C3AR1: variants seen among roughly 807,000 people sequenced by gnomAD.
C3AR1 encodes the protein C3a anaphylatoxin chemotactic receptor.
For missense variants in C3AR1, 579 were observed against 583.5 expected, an observed-to-expected ratio of 0.99 and a Z score of 0.08; for synonymous variants, 208 against 225.3, an observed-to-expected ratio of 0.92 and a Z score of 0.69.
At chr12:8,061,926 C>A (rs1947278380) in intron 1 of C3AR1, among the ~76,000 whole-genome samples, 1 of 152,138 alleles carries the variant, frequency 6.6e-6, no homozygotes, top group African/African-American at 2.4e-5. Flanking sequence ...AAGAATTCCC[C>A]ATTTTCTCCT....
In C3AR1 at chr12:8,059,162, C is replaced by A. The variant is rs761985790; in HGVS notation, c.1024G>T (p.Val342Leu). Residue 342 changes from valine to leucine, a missense_variant, in exon 2 of 2, where the codon GTG becomes TTG. Coordinates refer to ENST00000307637, the MANE Select transcript of C3AR1 (RefSeq NM_004054.4). Reference protein sequence around the residue: ...PLVAITITRLVVGFLLPSVIM... With the variant: ...PLVAITITRLLVGFLLPSVIM... Reference sequence around the variant, plus strand: ...ACAGAGGGCAGCAGGAAACCCACCACTAGCCTAGTGATCGTTATTGCCACG... The same window carrying A: ...ACAGAGGGCAGCAGGAAACCCACCAATAGCCTAGTGATCGTTATTGCCACG... 3.7e-6 allele frequency: 6 copies of A among 1,614,222 alleles called. No individual in the cohort carries two copies. Among genetic ancestry groups the A allele is most frequent in the Non-Finnish European group, 4.2e-6 (5 of 1,180,044 alleles).
At chr12:8,064,349 GC>G (rs1436941229) in intron 1 of C3AR1, among the ~76,000 whole-genome samples, 1 of 152,072 alleles carries the variant, frequency 6.6e-6, no homozygotes, top group African/African-American at 2.4e-5. Context: ...TTGCCATAGG[GC>G]CTCATATGAT....
At position 8,057,309 on chromosome 12, in the gene C3AR1, G is replaced by A. The variant is rs750703359; in HGVS notation, c.*1428C>T. 2.4e-4 allele frequency among the ~76,000 whole-genome samples: 36 copies of A among 152,318 alleles called. 1 individual carries two copies. Among genetic ancestry groups the A allele is most frequent in the African/African-American group, 8.7e-4 (36 of 41,572 alleles). ...TATAGACAAAGTAGAAGAAAAATATGTGGTCATGAATGAATTAAAATATGG... is the reference window on the plus strand; with the variant it reads ...TATAGACAAAGTAGAAGAAAAATATATGGTCATGAATGAATTAAAATATGG... On this transcript the variant is annotated 3_prime_UTR_variant, in exon 2 of 2. Transcript: ENST00000307637.
At chr12:8,060,958 T>C (rs1947267984) in intron 1 of C3AR1, among the ~76,000 whole-genome samples, 1 of 152,230 alleles carries the variant, frequency 6.6e-6, no homozygotes, top group African/African-American at 2.4e-5. Context: ...CCTAAAATGA[T>C]ATGCAAAACT....
chr12:8,064,185 C>T (rs755800540), intron 1 of C3AR1, among the ~76,000 whole-genome samples: 1 of 152,118 alleles, frequency 6.6e-6, no homozygotes, highest in South Asian at 2.1e-4. Flanking sequence ...CCATGTAATC[C>T]TTACCCAGGC....
In C3AR1 at chr12:8,057,314, CATGA is replaced by C. The variant is rs1947200715; in HGVS notation, c.*1419_*1422del. 6.6e-6 allele frequency among the ~76,000 whole-genome samples: 1 copy of C among 152,084 alleles called. No individual in the cohort carries two copies. The highest frequency in any genetic ancestry group is 2.4e-5 in the African/African-American group (1 of 41,414). The stretch of plus-strand genomic sequence containing the variant: ...ACAAAGTAGAAGAAAAATATGTGGT[CATGA>C]ATGAATTAAAATATGGTTATTAATG... On this transcript the variant is annotated 3_prime_UTR_variant, in exon 2 of 2. Coordinates refer to ENST00000307637, the MANE Select transcript of C3AR1 (RefSeq NM_004054.4).
chr12:8,057,421 C>T lies in C3AR1; in HGVS notation c.*1316G>A, dbSNP rs765666827. On this transcript the variant is annotated 3_prime_UTR_variant, in exon 2 of 2. Transcript: ENST00000307637. ...ATCTTCATCTTTCAAAACAAGAAGT[C>T]GTTTTATCATGCCTCCAGAAAAGAG... Among the ~76,000 whole-genome samples the T allele has an allele frequency of 1.1e-4, 17 of 152,112 alleles. No homozygotes were observed. Among genetic ancestry groups the T allele is most frequent in the African/African-American group, 4.1e-4 (17 of 41,496 alleles).
chr12:8,059,226 T>C lies in C3AR1; in HGVS notation c.960A>G (p.Leu320=). The C allele has an allele frequency of 2.5e-6, 4 of 1,614,230 alleles. No individual in the cohort carries two copies. Among genetic ancestry groups the C allele is most frequent in the Non-Finnish European group, 3.4e-6 (4 of 1,180,042 alleles). Residue 320 remains leucine, a synonymous_variant, in exon 2 of 2, where the codon TTA becomes TTG. Coordinates refer to ENST00000307637, the MANE Select transcript of C3AR1 (RefSeq NM_004054.4). Reference sequence around the variant, plus strand: ...CTTGATCGTCATCTGTGAATTGGCCTAAATTGTAATAATCCTGGAAACCTT... The same window carrying C: ...CTTGATCGTCATCTGTGAATTGGCCCAAATTGTAATAATCCTGGAAACCTT... ...LPQGFQDYYN[L]GQFTDDDQVP...
rs1479040699 is a variant in C3AR1 at position 8,059,822 on chromosome 12, G to A, written c.364C>T (p.Leu122Phe). 9.3e-6 allele frequency: 15 copies of A among 1,614,152 alleles called. No homozygotes were observed. The highest frequency in any genetic ancestry group is 1.6e-4 in the Middle Eastern group (1 of 6,062). ...LLTAISLDRC[L>F]VVFKPIWCQN... Reference sequence around the variant, plus strand: ...CACCAGATTGGCTTGAATACCACAAGACAGCGATCCAGGCTAATGGCAGTA... The same window carrying A: ...CACCAGATTGGCTTGAATACCACAAAACAGCGATCCAGGCTAATGGCAGTA... The change falls in exon 2 of 2, where the codon CTT becomes TTT. Residue 122 changes from leucine to phenylalanine, a missense_variant. Physicochemically the swap from Leu to Phe is conservative, Grantham distance 22. Transcript: ENST00000307637.
intron 1 of C3AR1, among the ~76,000 whole-genome samples, chr12:8,062,630 A>G (rs1246988510): frequency 6.6e-6 from 1 of 151,974 alleles, no homozygotes; most frequent in Non-Finnish European, 1.5e-5. Context: ...TACTGTTCTG[A>G]ACACTAACTT....
rs1410112183 is a variant in C3AR1, at chr12:8,059,207, C to T, written c.979G>A (p.Asp327Asn). The change falls in exon 2 of 2, where the codon GAT becomes AAT. Residue 327 changes from aspartate to asparagine, a missense_variant. Coordinates refer to ENST00000307637, the MANE Select transcript of C3AR1 (RefSeq NM_004054.4). ...YYNLGQFTDD[D>N]QVPTPLVAIT... ...GCCACGAGGGGTGTTGGCACTTGAT[C>T]GTCATCTGTGAATTGGCCTAAATTG... 1.2e-6 allele frequency: 2 copies of T among 1,614,172 alleles called. No individual in the cohort carries two copies. Among genetic ancestry groups the T allele is most frequent in the East Asian group, 2.2e-5 (1 of 44,888 alleles).
rs776176515 is a variant in C3AR1 at position 8,059,907 on chromosome 12, G to C, written c.279C>G (p.Phe93Leu). 6.2e-7 allele frequency: 1 copy of C among 1,614,184 alleles called. No individual in the cohort carries two copies. Among genetic ancestry groups the C allele is most frequent in the South Asian group, 1.1e-5 (1 of 91,074 alleles). Residue 93 changes from phenylalanine to leucine, a missense_variant, in exon 2 of 2, where the codon TTC (phenylalanine) becomes TTG (leucine). By Grantham distance (22) the Phe-to-Leu change is conservative. Transcript: ENST00000307637. ...TGATGGAGGGGATGAGCTTGCATAG[G>C]AACCTGCCGTAGGGCCACTGTCCCT... ...ALQGQWPYGR[F>L]LCKLIPSIIV...
At position 8,060,194 on chromosome 12, in the gene C3AR1, T is replaced by A; in HGVS notation, c.-9A>T. The A allele has an allele frequency of 1.3e-6, 2 of 1,567,420 alleles. No individual in the cohort carries two copies. Among genetic ancestry groups the A allele is most frequent in the Non-Finnish European group, 1.7e-6 (2 of 1,156,770 alleles). ...GCAGAGAAAGACGCCATTGCTAAAC[T>A]TCTGCAAAAAGATGAAAAAAATGTT... On this transcript the variant is annotated splice_region_variant and 5_prime_UTR_variant, in exon 2 of 2. It adds an upstream start codon to the 5' untranslated region. Coordinates refer to ENST00000307637, the MANE Select transcript of C3AR1 (RefSeq NM_004054.4).
Position 8,059,290 on chromosome 12 carries a change from C to A in C3AR1, c.896G>T (p.Ser299Ile). The A allele has an allele frequency of 6.2e-7, 1 of 1,614,130 alleles. No individual in the cohort carries two copies. The highest frequency in any genetic ancestry group is 8.5e-7 in the Non-Finnish European group (1 of 1,180,000). ...CTCGTAGAAGGAATTGCTAGAAGCGCTAGGGAACAGCTTTAAATGAGTAGA... is the reference window on the plus strand; with the variant it reads ...CTCGTAGAAGGAATTGCTAGAAGCGATAGGGAACAGCTTTAAATGAGTAGA... ...FLSTHLKLFPSASSNSFYESE... is the reference protein window; with the variant it reads ...FLSTHLKLFPIASSNSFYESE... Residue 299 changes from serine to isoleucine, a missense_variant, in exon 2 of 2, where the codon AGC becomes ATC. Ser to Ile is a moderately radical substitution (Grantham distance 142). Coordinates refer to ENST00000307637, the MANE Select transcript of C3AR1 (RefSeq NM_004054.4).
rs962891153 is a variant in C3AR1, at chr12:8,056,848, TA to T, written c.*1888del. Among the ~76,000 whole-genome samples, 1 of 152,230 alleles carries T rather than the reference TA, an allele frequency of 6.6e-6. No homozygotes were observed. Among genetic ancestry groups the T allele is most frequent in the African/African-American group, 2.4e-5 (1 of 41,454 alleles). On this transcript the variant is annotated 3_prime_UTR_variant, in exon 2 of 2. Transcript: ENST00000307637. ...TCTGAATGTGAAACAAAAGGATTCA[TA>T]AATCTCTGAGCCTCGCAAGGACCCA...
At position 8,064,167 on chromosome 12, in the gene C3AR1, AT is replaced by A. The variant is rs1455866031; in HGVS notation, c.-11+2110del. On this transcript the variant is annotated intron_variant, in intron 1 of 1. Transcript: ENST00000307637. ...TTTTGCAATTACATCTAAAATTCTA[AT>A]TTGTATCCATGTAATCCTTACCCAG... Among the ~76,000 whole-genome samples, 2 of 152,092 alleles carry A rather than the reference AT, an allele frequency of 1.3e-5. 1 individual carries two copies. The highest frequency in any genetic ancestry group is 2.9e-5 in the Non-Finnish European group (2 of 68,010).
intron 1 of C3AR1, among the ~76,000 whole-genome samples, chr12:8,064,149 A>G (rs984058068): frequency 6.6e-6 from 1 of 152,096 alleles, no homozygotes; most frequent in Non-Finnish European, 1.5e-5. Context: ...TTCTTTTGCA[A>G]TTACATCTAA....
chr12:8,059,691 A>G lies in C3AR1; in HGVS notation c.495T>C (p.Thr165=), dbSNP rs376542119. ...AGCCACATCTATTATGGTTGTCTGT[A>G]GTGAAGATTTCCCGGTACACGAACA... The part of the protein sequence containing the change: ...IPVFVYREIF[T]TDNHNRCGYK... The change falls in exon 2 of 2, where the codon ACT becomes ACC. Residue 165 remains threonine (T), a synonymous_variant. Coordinates refer to ENST00000307637, the MANE Select transcript of C3AR1 (RefSeq NM_004054.4). 4 of 1,614,098 alleles carry G rather than the reference A, an allele frequency of 2.5e-6. No individual in the cohort carries two copies. Among genetic ancestry groups the G allele is most frequent in the Non-Finnish European group, 3.4e-6 (4 of 1,180,054 alleles).
At position 8,059,035 on chromosome 12, in the gene C3AR1, GC is replaced by G. The variant is rs1219033778; in HGVS notation, c.1150del (p.Ala384LeufsTer30). ...KTFRVAVVVV[A>X]VFLVCWTPYH... Reference sequence around the variant, plus strand: ...TGGAGTCCAGCAGACAAGAAAGACAGCCACCACCACCACGGCCACTCGAAAG... The same window carrying G: ...TGGAGTCCAGCAGACAAGAAAGACAGCACCACCACCACGGCCACTCGAAAG... On this transcript the variant is annotated frameshift_variant, in exon 2 of 2. Transcript: ENST00000307637. LOFTEE classifies it low-confidence loss of function (END_TRUNC). The G allele has an allele frequency of 6.8e-6, 11 of 1,614,166 alleles. No individual in the cohort carries two copies. The highest frequency in any genetic ancestry group is 9.3e-6 in the Non-Finnish European group (11 of 1,180,036).
Sources: gnomAD v4.1 joint callset for allele counts (sites outside exome capture counted in the v4.1 genomes callset) on GRCh38, gnomAD v4.1.1 for gene constraint, MANE v1.5 for transcripts, NCBI Gene and HGNC (gene_info 2026-07-23, HGNC 2026-07-21) for gene names.